RGS6: variants seen among roughly 807,000 people sequenced by gnomAD.
RGS6 encodes regulator of G protein signaling 6.
In RGS6, 30 loss-of-function variants were observed where a neutral mutation model predicts 78.5. That is an observed-to-expected ratio of 0.38 (90% CI 0.29 to 0.52). The LOEUF is 0.52. Among genes scored for constraint, RGS6 ranks in the 20% least tolerant of loss-of-function variants. The pLI, the probability that RGS6 is intolerant of heterozygous loss-of-function variation, is 0.85. For missense variants in RGS6, 495 were observed against 609.7 expected (o/e 0.81, Z 1.98); for synonymous variants, 206 against 206.0 (o/e 1.00, Z 0.00).
At chr14:72,401,492 A>G (rs1365128790) in intron 3 of RGS6, among the ~76,000 whole-genome samples, 1 of 151,974 alleles carries the variant, frequency 6.6e-6, no homozygotes, top group African/African-American at 2.4e-5. Context: ...ACATGATTTT[A>G]TATGTGTGAG....
At chr14:72,324,401 C>T (rs1464293107) in intron 2 of RGS6, among the ~76,000 whole-genome samples, 1 of 151,892 alleles carries the variant, frequency 6.6e-6, no homozygotes, top group Non-Finnish European at 1.5e-5. Context: ...TACATGTGCA[C>T]AACGTGCATG....
chr14:72,312,023 A>T (rs1476796185), intron 2 of RGS6, among the ~76,000 whole-genome samples: 1 of 152,178 alleles, frequency 6.6e-6, no homozygotes, highest in East Asian at 1.9e-4. Flanking sequence ...TCAGAAAAAG[A>T]AGCAACTGTT....
the RGS6 span, among the ~76,000 whole-genome samples, chr14:71,926,154 G>A: frequency 6.6e-6 from 1 of 152,032 alleles, no homozygotes; most frequent in Non-Finnish European, 1.5e-5. Flanking sequence ...CACAGAAATA[G>A]AAAAACACAA....
intron 6 of RGS6, among the ~76,000 whole-genome samples, chr14:72,461,112 G>A (rs10132956): frequency 0.062 from 9,387 of 152,212 alleles, 554 homozygotes; most frequent in African/African-American, 0.14. Flanking sequence ...AGTGAGAGCT[G>A]CATTTGACCG....
the RGS6 span, among the ~76,000 whole-genome samples, chr14:71,884,363 G>C: frequency 1.2e-4 from 19 of 152,230 alleles, no homozygotes; most frequent in Non-Finnish European, 2.1e-4. Flanking sequence ...AAAGCACAAA[G>C]TGTCTTAAGC....
intron 15 of RGS6, among the ~76,000 whole-genome samples, chr14:72,519,666 C>T (rs1046993757): frequency 6.6e-6 from 1 of 152,226 alleles, no homozygotes; most frequent in African/African-American, 2.4e-5. Flanking sequence ...ATGACTCCTT[C>T]ATATACCCCT....
intron 13 of RGS6, among the ~76,000 whole-genome samples, chr14:72,504,681 G>A (rs2096772942): frequency 6.6e-6 from 1 of 151,152 alleles, no homozygotes; most frequent in Non-Finnish European, 1.5e-5. Flanking sequence ...TCCTTTAAAG[G>A]CCTGGTTACA....
At chr14:72,168,905 C>A (rs957265199) in intron 2 of RGS6, among the ~76,000 whole-genome samples, 13 of 152,166 alleles carry the variant, frequency 8.5e-5, no homozygotes, top group African/African-American at 2.7e-4. Context: ...TCTATTTGGT[C>A]TCACTCTGTC....
chr14:72,229,248 C>A (rs2048915704), intron 2 of RGS6, among the ~76,000 whole-genome samples: 1 of 152,252 alleles, frequency 6.6e-6, no homozygotes, highest in Middle Eastern at 3.4e-3. Context: ...CTAGTCATTT[C>A]TCTGACCTCC....
intron 2 of RGS6, among the ~76,000 whole-genome samples, chr14:72,145,527 G>A (rs189836566): frequency 3.5e-4 from 54 of 152,310 alleles, no homozygotes; most frequent in African/African-American, 1.3e-3. Context: ...TGCCCAGGTT[G>A]GAGCGTACTG....
intron 3 of RGS6, among the ~76,000 whole-genome samples, chr14:72,450,515 A>C (rs1173846120): frequency 3.3e-5 from 5 of 152,210 alleles, no homozygotes; most frequent in Non-Finnish European, 7.3e-5. Context: ...TATATTGATA[A>C]ATCAGCCTCA....
chr14:72,095,723 C>A (rs2095389973), intron 2 of RGS6, among the ~76,000 whole-genome samples: 1 of 152,174 alleles, frequency 6.6e-6, no homozygotes, highest in South Asian at 2.1e-4. Flanking sequence ...ATGTACTGTA[C>A]ACATAGAGTT....
At chr14:72,346,922 T>C (rs558781155) in intron 2 of RGS6, among the ~76,000 whole-genome samples, 1 of 152,342 alleles carries the variant, frequency 6.6e-6, no homozygotes, top group East Asian at 1.9e-4. Flanking sequence ...ACCCACTCTA[T>C]GGCATAATGG....
chr14:72,452,569 G>C (rs991545949), intron 3 of RGS6, among the ~76,000 whole-genome samples: 4 of 152,232 alleles, frequency 2.6e-5, no homozygotes, highest in African/African-American at 9.6e-5. Context: ...TCTGGGAAGA[G>C]GGCAATCCTC....
chr14:72,284,617 A>G (rs569586847), intron 2 of RGS6, among the ~76,000 whole-genome samples: 3 of 152,162 alleles, frequency 2.0e-5, no homozygotes, highest in Non-Finnish European at 4.4e-5. Flanking sequence ...CTCATGGAGA[A>G]CCCTTTGCTA....
intron 4 of RGS6, among the ~76,000 whole-genome samples, chr14:72,456,340 G>C (rs964941724): frequency 2.0e-5 from 3 of 152,234 alleles, no homozygotes; most frequent in Non-Finnish European, 1.5e-5. Context: ...ACCCAGGCTA[G>C]AGTGCAGTGG....
chr14:72,505,629 G>A (rs952032531), intron 13 of RGS6, among the ~76,000 whole-genome samples: 3 of 152,228 alleles, frequency 2.0e-5, no homozygotes, highest in African/African-American at 7.2e-5. Context: ...TAGAAGGCAA[G>A]GTAACAGAGT....
chr14:71,877,953 A>G, the RGS6 span, among the ~76,000 whole-genome samples: 1 of 152,210 alleles, frequency 6.6e-6, no homozygotes, highest in Non-Finnish European at 1.5e-5. Context: ...GGTCCACTCC[A>G]GACGCTATTT....
chr14:72,537,716 A>C (rs2097269278), intron 16 of RGS6: 17 of 606,266 alleles, frequency 2.8e-5, no homozygotes, highest in Non-Finnish European at 4.4e-5. Flanking sequence ...GATGAAGGTC[A>C]AAGTAAGTTT....
Sources: gnomAD v4.1 joint callset for allele counts (sites outside exome capture counted in the v4.1 genomes callset) on GRCh38, gnomAD v4.1.1 for gene constraint, MANE v1.5 for transcripts, NCBI Gene and HGNC (gene_info 2026-07-23, HGNC 2026-07-21) for gene names.